Variants in MACROD2 observed in about 807,000 individuals in gnomAD.
MACROD2 encodes the protein mono-ADP ribosylhydrolase 2.
A neutral mutation model predicts 70.4 loss-of-function variants in MACROD2; 36 were observed. The ratio of observed to expected loss-of-function variants is 0.51; its 90% CI spans 0.39 to 0.68. The LOEUF (loss-of-function observed/expected upper bound fraction) is 0.68, where lower values mean the gene tolerates loss of function less well. MACROD2 is among the 30% of genes least tolerant of loss of function. The pLI is 0.00. For missense variants in MACROD2, 496 were observed against 538.4 expected, an observed-to-expected ratio of 0.92 and a Z score of 0.78; for synonymous variants, 172 against 178.8, an observed-to-expected ratio of 0.96 and a Z score of 0.30.
chr20:15,465,663 G>A (rs1453112523), intron 7 of MACROD2, among the ~76,000 whole-genome samples: 3 of 152,226 alleles, frequency 2.0e-5, no homozygotes, highest in African/African-American at 7.2e-5. Context: ...ATGAGAAAAC[G>A]GGGCAACCCT....
chr20:16,044,781 AAC>A, intron 17 of MACROD2, 142 bp downstream of exon 17: 3 of 714,280 alleles, frequency 4.2e-6, no homozygotes, highest in Non-Finnish European at 7.2e-6. Flanking sequence ...TAAACCAAAT[AAC>A]ACAGCGTAAG....
intron 5 of MACROD2, among the ~76,000 whole-genome samples, chr20:15,100,805 G>T (rs1174899114): frequency 6.6e-6 from 1 of 152,020 alleles, no homozygotes; most frequent in Non-Finnish European, 1.5e-5. Context: ...CAGAATTATT[G>T]CTAACAAATC....
intron 4 of MACROD2, among the ~76,000 whole-genome samples, chr20:14,656,241 G>A (rs1985968324): frequency 6.6e-6 from 1 of 152,160 alleles, no homozygotes; most frequent in Non-Finnish European, 1.5e-5. Flanking sequence ...AGATTTCGGA[G>A]GTCTGCTCCC....
intron 15 of MACROD2, among the ~76,000 whole-genome samples, chr20:16,001,913 C>G (rs1355338488): frequency 6.6e-6 from 1 of 151,892 alleles, no homozygotes; most frequent in Non-Finnish European, 1.5e-5. Context: ...TTACATTACT[C>G]TTATTTTTCC....
At chr20:15,095,058 C>CTTTTT (rs1568570303) in intron 5 of MACROD2, among the ~76,000 whole-genome samples, 1 of 58,048 alleles carries the variant, frequency 1.7e-5, no homozygotes, top group African/African-American at 9.1e-5. Flanking sequence ...ACTGTGGTCT[C>CTTTTT]CTCTTCTTTT....
intron 2 of MACROD2, chr20:14,053,136 T>G (rs1398422104): frequency 6.6e-6 from 1 of 151,672 alleles, no homozygotes; most frequent in Non-Finnish European, 1.5e-5. Context: ...TCCCACCTTG[T>G]CTTCCAGTCC....
intron 7 of MACROD2, among the ~76,000 whole-genome samples, chr20:15,483,400 T>C (rs2047124364): frequency 6.6e-6 from 1 of 152,220 alleles, no homozygotes; most frequent in African/African-American, 2.4e-5. Flanking sequence ...TGTATTGTTT[T>C]CCATTGATCT....
At chr20:15,702,349 A>T (rs1469992265) in intron 8 of MACROD2, among the ~76,000 whole-genome samples, 1 of 152,044 alleles carries the variant, frequency 6.6e-6, no homozygotes, top group Non-Finnish European at 1.5e-5. Flanking sequence ...AGTTTTTGTT[A>T]ATGGTCATTC....
chr20:14,934,131 A>T (rs1337941199), intron 5 of MACROD2, among the ~76,000 whole-genome samples: 1 of 152,154 alleles, frequency 6.6e-6, no homozygotes, highest in East Asian at 1.9e-4. Context: ...CAGCACGTCA[A>T]AGAGTTTACC....
intron 8 of MACROD2, among the ~76,000 whole-genome samples, chr20:15,591,884 C>CTGGACCAAAGTGA (rs1283396477): frequency 1.3e-5 from 2 of 152,062 alleles, no homozygotes; most frequent in African/African-American, 4.8e-5. Context: ...AATTGTAAAT[C>CTGGACCAAAGTGA]TGGACCAAAG....
chr20:15,029,592 G>C (rs1442871367), intron 5 of MACROD2, among the ~76,000 whole-genome samples: 1 of 152,116 alleles, frequency 6.6e-6, no homozygotes, highest in Admixed American at 6.5e-5. Flanking sequence ...TTACAGTGGA[G>C]GTACCAAGCT....
intron 3 of MACROD2, among the ~76,000 whole-genome samples, chr20:14,279,576 G>T (rs1000654939): frequency 6.6e-6 from 1 of 152,106 alleles, no homozygotes. Flanking sequence ...TATTTTTGCA[G>T]ATGGAGAATT....
intron 6 of MACROD2, among the ~76,000 whole-genome samples, chr20:15,339,011 C>T (rs2078079055): frequency 6.6e-6 from 1 of 151,738 alleles, no homozygotes; most frequent in Non-Finnish European, 1.5e-5. Context: ...TCATTGGCTC[C>T]TTCAAATAAA....
At chr20:14,986,721 C>T (rs866597188) in intron 5 of MACROD2, among the ~76,000 whole-genome samples, 8 of 152,188 alleles carry the variant, frequency 5.3e-5, no homozygotes, top group East Asian at 1.9e-4. Context: ...AGGTAGTGGG[C>T]GATGGGGGAG....
intron 5 of MACROD2, among the ~76,000 whole-genome samples, chr20:15,088,458 T>C (rs570221378): frequency 6.5e-4 from 85 of 130,124 alleles, no homozygotes; most frequent in Admixed American, 1.1e-3. Context: ...TATAATATTT[T>C]GTGTGTGTGT....
intron 8 of MACROD2, among the ~76,000 whole-genome samples, chr20:15,525,739 T>C (rs556351581): frequency 6.4e-4 from 97 of 152,328 alleles, no homozygotes; most frequent in African/African-American, 2.3e-3. Flanking sequence ...AAAGGCGGTT[T>C]GGGTAGGCTA....
chr20:14,089,802 C>G (rs2054124158), intron 3 of MACROD2, among the ~76,000 whole-genome samples: 1 of 152,120 alleles, frequency 6.6e-6, no homozygotes, highest in African/African-American at 2.4e-5. Flanking sequence ...AAAAATAACA[C>G]AGAGTCCTAT....
intron 4 of MACROD2, among the ~76,000 whole-genome samples, chr20:14,498,840 C>T (rs1024076286): frequency 6.6e-6 from 1 of 152,214 alleles, no homozygotes; most frequent in African/African-American, 2.4e-5. Context: ...ACATACACAA[C>T]GGCTTTCCCA....
At chr20:15,412,657 C>T (rs1016735188) in intron 6 of MACROD2, among the ~76,000 whole-genome samples, 1 of 152,160 alleles carries the variant, frequency 6.6e-6, no homozygotes, top group Non-Finnish European at 1.5e-5. Context: ...ATTATCGAGA[C>T]TGTAGGGCAA....
Sources: gnomAD v4.1 joint callset for allele counts (sites outside exome capture counted in the v4.1 genomes callset) on GRCh38, gnomAD v4.1.1 for gene constraint, MANE v1.5 for transcripts, NCBI Gene and HGNC (gene_info 2026-07-23, HGNC 2026-07-21) for gene names.